The following MTUS2 variants were observed in gnomAD, a reference collection of about 807,000 sequenced individuals.
The protein encoded by MTUS2 is microtubule-associated tumor suppressor candidate 2.
In MTUS2, 40 loss-of-function variants were observed where a neutral mutation model predicts 114.1. The observed-to-expected ratio is 0.35, with a 90% confidence interval of 0.27 to 0.46. MTUS2 has a LOEUF of 0.46. Among genes scored for constraint, MTUS2 ranks in the 20% least tolerant of loss-of-function variants. MTUS2 has a pLI of 1.00. For missense variants in MTUS2, 1,679 were observed against 1,705.4 expected, an observed-to-expected ratio of 0.98 and a Z score of 0.27; for synonymous variants, 688 against 672.0, an observed-to-expected ratio of 1.02 and a Z score of -0.37.
At chr13:28,881,249 A>G (rs1243526835) in intron 2 of MTUS2, among the ~76,000 whole-genome samples, 4 of 152,132 alleles carry the variant, frequency 2.6e-5, no homozygotes, top group African/African-American at 9.7e-5. Context: ...TTTCTGAGTT[A>G]TTTCACTTAG....
At chr13:29,155,090 T>C (rs1217012059) in intron 5 of MTUS2, among the ~76,000 whole-genome samples, 1 of 152,238 alleles carries the variant, frequency 6.6e-6, no homozygotes, top group African/African-American at 2.4e-5. Context: ...TTCATTTCTC[T>C]GAATTGTAAG....
chr13:29,140,873 C>G (rs1364972342), intron 5 of MTUS2, among the ~76,000 whole-genome samples: 2 of 152,118 alleles, frequency 1.3e-5, no homozygotes, highest in Non-Finnish European at 2.9e-5. Flanking sequence ...AGTATATGCT[C>G]ATGCTCATCC....
chr13:29,399,792 C>T (rs1343837703), intron 8 of MTUS2, among the ~76,000 whole-genome samples: 1 of 151,846 alleles, frequency 6.6e-6, no homozygotes, highest in African/African-American at 2.4e-5. Context: ...AAGTAAAACC[C>T]AAAGGAGAAC....
At chr13:29,255,676 A>T (rs1321921558) in intron 5 of MTUS2, among the ~76,000 whole-genome samples, 3 of 150,984 alleles carry the variant, frequency 2.0e-5, no homozygotes, top group Non-Finnish European at 4.4e-5. Flanking sequence ...CACAACTCCT[A>T]TCTATGAGGC....
At chr13:29,125,480 C>T (rs545878973) in intron 5 of MTUS2, among the ~76,000 whole-genome samples, 22 of 152,198 alleles carry the variant, frequency 1.4e-4, no homozygotes, top group Admixed American at 5.2e-4. Flanking sequence ...AAAGAAGAAA[C>T]GTTGAATCTA....
chr13:29,025,528 C>T lies in MTUS2; in HGVS notation c.830C>T (p.Ser277Phe). 6.2e-7 allele frequency: 1 copy of T among 1,613,672 alleles called. No individual in the cohort carries two copies. Among genetic ancestry groups the T allele is most frequent in the Non-Finnish European group, 8.5e-7 (1 of 1,179,764 alleles). The change falls in exon 3 of 16, where the codon TCC (serine) becomes TTC (phenylalanine). Residue 277 changes from serine to phenylalanine, a missense_variant. Physicochemically the swap from Ser to Phe is radical, Grantham distance 155. This residue lies in a region of MTUS2 where 843 missense variants were observed against 770.8 expected (regional missense o/e 1.09). Transcript: ENST00000612955. ...GTGTGCAGTGAGCACACATCACATT[C>T]CGCCCATCCAGAGCCTGCTCTGAAT... ...LQVCSEHTSH[S>F]AHPEPALNLT...
intron 6 of MTUS2, among the ~76,000 whole-genome samples, chr13:29,301,321 G>GGCCCAGAGTC (rs1387251796): frequency 1.3e-5 from 2 of 152,156 alleles, no homozygotes; most frequent in Admixed American, 1.3e-4. Flanking sequence ...CAGCTGCTGT[G>GGCCCAGAGTC]GCCCAGAGTC....
intron 5 of MTUS2, among the ~76,000 whole-genome samples, chr13:29,200,735 G>A (rs1894919750): frequency 6.6e-6 from 1 of 151,918 alleles, no homozygotes; most frequent in African/African-American, 2.4e-5. Flanking sequence ...GGTCAGGCTG[G>A]TCTCGAATAC....
At chr13:29,465,957 T>G (rs1879856841) in intron 9 of MTUS2, among the ~76,000 whole-genome samples, 1 of 152,242 alleles carries the variant, frequency 6.6e-6, no homozygotes, top group Non-Finnish European at 1.5e-5. Context: ...AATGCTGTTC[T>G]GTTCTAGATG....
intron 4 of MTUS2, among the ~76,000 whole-genome samples, chr13:29,067,633 T>C (rs750432980): frequency 3.9e-5 from 6 of 152,080 alleles, no homozygotes; most frequent in Non-Finnish European, 7.3e-5. Flanking sequence ...TGCTGATGGA[T>C]AAAAGAGCCA....
At chr13:29,302,935 C>G (rs1899272959) in intron 6 of MTUS2, among the ~76,000 whole-genome samples, 1 of 152,198 alleles carries the variant, frequency 6.6e-6, no homozygotes, top group Non-Finnish European at 1.5e-5. Context: ...TGGGATGGAG[C>G]TTCCAGAGGA....
chr13:29,195,539 G>GAAAAAAAAAAAAA (rs59726006), intron 5 of MTUS2, among the ~76,000 whole-genome samples: 3 of 78,528 alleles, frequency 3.8e-5, no homozygotes, highest in Non-Finnish European at 5.2e-5. Flanking sequence ...ACTTAATTCT[G>GAAAAAAAAAAAAA]AAAAAAAAAA....
At chr13:28,858,761 G>A (rs757471427) in intron 2 of MTUS2, among the ~76,000 whole-genome samples, 1 of 152,126 alleles carries the variant, frequency 6.6e-6, no homozygotes, top group Non-Finnish European at 1.5e-5. Flanking sequence ...TATGTTTGTC[G>A]GGGAGCTTCC....
chr13:29,071,145 C>T (rs1888905418), intron 4 of MTUS2, among the ~76,000 whole-genome samples: 1 of 151,400 alleles, frequency 6.6e-6, no homozygotes. Flanking sequence ...GCTGGGACTA[C>T]AGGTGTGCGC....
intron 5 of MTUS2, among the ~76,000 whole-genome samples, chr13:29,104,371 A>G (rs1890563455): frequency 6.6e-6 from 1 of 152,206 alleles, no homozygotes; most frequent in Non-Finnish European, 1.5e-5. Context: ...TAAAGCTGCC[A>G]TATACAGGGA....
At chr13:29,343,762 C>T (rs897583410) in intron 7 of MTUS2, among the ~76,000 whole-genome samples, 1 of 151,960 alleles carries the variant, frequency 6.6e-6, no homozygotes, top group Admixed American at 6.6e-5. Flanking sequence ...TGTCCTCTTT[C>T]AGCTTTTTGA....
intron 5 of MTUS2, among the ~76,000 whole-genome samples, chr13:29,139,371 C>A (rs946347233): frequency 2.6e-5 from 4 of 152,290 alleles, no homozygotes; most frequent in Non-Finnish European, 5.9e-5. Context: ...ATATTTAAAT[C>A]TTTAAGCTAT....
intron 2 of MTUS2, among the ~76,000 whole-genome samples, chr13:28,888,462 C>T (rs1878722747): frequency 7.0e-6 from 1 of 143,536 alleles, no homozygotes; most frequent in Admixed American, 7.3e-5. Flanking sequence ...GCTCTTGTTG[C>T]CCAGGCTGGA....
intron 8 of MTUS2, among the ~76,000 whole-genome samples, chr13:29,404,065 C>T (rs1874560179): frequency 6.6e-6 from 1 of 151,196 alleles, no homozygotes; most frequent in Non-Finnish European, 1.5e-5. Context: ...GGTTTCAAGT[C>T]TTGGTTGCTT....
Sources: gnomAD v4.1 joint callset for allele counts (sites outside exome capture counted in the v4.1 genomes callset) on GRCh38, gnomAD v4.1.1 for gene constraint, gnomAD v4.1.1 regional missense constraint, MANE v1.5 for transcripts, NCBI Gene and HGNC (gene_info 2026-07-23, HGNC 2026-07-21) for gene names.